RIMS2: variants seen among roughly 807,000 people sequenced by gnomAD.
RIMS2 encodes regulating synaptic membrane exocytosis 2, also known as regulating synaptic membrane exocytosis protein 2.
In RIMS2, 59 loss-of-function variants were observed where a neutral mutation model predicts 174.4. The observed-to-expected ratio is 0.34, with a 90% CI of 0.27 to 0.42. The LOEUF is 0.42. Among genes scored for constraint, RIMS2 ranks in the 10% least tolerant of loss-of-function variants. The pLI is 1.00. For synonymous variants in RIMS2, 606 were observed against 572.5 expected (o/e 1.06, Z -0.84); for missense variants, 1,620 against 1,666.3 (o/e 0.97, Z 0.48).
At chr8:103,602,428 A>AT (rs1399886203) in intron 1 of RIMS2, among the ~76,000 whole-genome samples, 2 of 151,986 alleles carry the variant, frequency 1.3e-5, no homozygotes, top group East Asian at 1.9e-4. Context: ...CTTAATAGGT[A>AT]TTTTTTTTCC....
intron 12 of RIMS2, among the ~76,000 whole-genome samples, chr8:103,934,134 G>T (rs537624846): frequency 1.3e-5 from 2 of 151,982 alleles, no homozygotes; most frequent in African/African-American, 4.8e-5. Context: ...TCAAGTGTTT[G>T]CATGCTGTTA....
chr8:103,606,281 G>T (rs1200360362), intron 1 of RIMS2, among the ~76,000 whole-genome samples: 1 of 149,890 alleles, frequency 6.7e-6, no homozygotes, highest in Non-Finnish European at 1.5e-5. Context: ...TCAGGAGCAG[G>T]TTGTTCAGTT....
intron 1 of RIMS2, among the ~76,000 whole-genome samples, chr8:103,681,577 A>T (rs1384695291): frequency 2.6e-5 from 4 of 152,078 alleles, no homozygotes; most frequent in Admixed American, 2.6e-4. Context: ...CATTCTAGAC[A>T]GGCAAGAGCA....
At chr8:104,009,988 A>AGATG (rs923960591) in intron 17 of RIMS2, among the ~76,000 whole-genome samples, 17 of 64,504 alleles carry the variant, frequency 2.6e-4, no homozygotes, top group African/African-American at 5.4e-4. Context: ...ATGGATGGAT[A>AGATG]GATGGATGGA....
At chr8:104,222,733 T>G (rs1255623009) in intron 19 of RIMS2, among the ~76,000 whole-genome samples, 1 of 152,236 alleles carries the variant, frequency 6.6e-6, no homozygotes, top group Non-Finnish European at 1.5e-5. Flanking sequence ...ATGTTATACC[T>G]TTTGCTTAGA....
At chr8:103,592,132 A>C (rs2094292555) in intron 1 of RIMS2, among the ~76,000 whole-genome samples, 1 of 151,194 alleles carries the variant, frequency 6.6e-6, no homozygotes, top group South Asian at 2.1e-4. Context: ...TAAAACTTAA[A>C]GGAGAATATT....
intron 3 of RIMS2, among the ~76,000 whole-genome samples, chr8:103,850,103 G>C (rs1409455841): frequency 6.6e-6 from 1 of 151,788 alleles, no homozygotes; most frequent in Non-Finnish European, 1.5e-5. Flanking sequence ...TATTTAACAA[G>C]GTATTAACAT....
chr8:103,601,491 C>T (rs13253457), intron 1 of RIMS2, among the ~76,000 whole-genome samples: 1 of 102,094 alleles, frequency 9.8e-6, no homozygotes, highest in Non-Finnish European at 2.1e-5. Flanking sequence ...GTGACTTCTC[C>T]TCTTTTTTGG....
intron 1 of RIMS2, among the ~76,000 whole-genome samples, chr8:103,552,764 C>T: frequency 6.6e-6 from 1 of 152,112 alleles, no homozygotes; most frequent in East Asian, 1.9e-4. Context: ...AATCAAACAA[C>T]CCCATCAAAA....
intron 1 of RIMS2, among the ~76,000 whole-genome samples, chr8:103,588,588 A>T (rs937272660): frequency 2.6e-5 from 4 of 151,862 alleles, no homozygotes; most frequent in African/African-American, 9.7e-5. Context: ...ACAATAGAGA[A>T]CCCAGAAAGA....
intron 19 of RIMS2, among the ~76,000 whole-genome samples, chr8:104,097,579 C>T (rs2097783933): frequency 6.6e-6 from 1 of 151,226 alleles, no homozygotes; most frequent in South Asian, 2.1e-4. Flanking sequence ...AGTAGCATCA[C>T]CAGAACACCT....
chr8:104,001,945 T>A (rs1008185642), intron 17 of RIMS2, among the ~76,000 whole-genome samples: 2 of 152,040 alleles, frequency 1.3e-5, no homozygotes, highest in African/African-American at 2.4e-5. Flanking sequence ...CTGGCTGTAG[T>A]CTTCCTAAAC....
At chr8:103,825,024 A>T (rs1022963952) in intron 3 of RIMS2, among the ~76,000 whole-genome samples, 1 of 152,064 alleles carries the variant, frequency 6.6e-6, no homozygotes, top group African/African-American at 2.4e-5. Context: ...GCTATGTGTT[A>T]CTGGTAAAGT....
At chr8:104,173,744 T>C (rs1416775909) in intron 19 of RIMS2, among the ~76,000 whole-genome samples, 2 of 146,496 alleles carry the variant, frequency 1.4e-5, no homozygotes, top group African/African-American at 5.0e-5. Flanking sequence ...TTCTCCTGCT[T>C]CAGCCTCCCG....
intron 1 of RIMS2, among the ~76,000 whole-genome samples, chr8:103,623,292 G>A (rs564225217): frequency 6.6e-6 from 1 of 152,198 alleles, no homozygotes; most frequent in Non-Finnish European, 1.5e-5. Context: ...TAGACTGGTA[G>A]TTCAGATTAA....
At chr8:104,248,764 T>G (rs369558186) in exon 21 of RIMS2, 7 of 1,613,492 alleles carry the variant, frequency 4.3e-6, no homozygotes, top group East Asian at 4.5e-5. Flanking sequence ...TGGATGGCCT[T>G]GGCCCTGCTC....
chr8:104,099,630 G>C (rs1192854398), intron 19 of RIMS2, among the ~76,000 whole-genome samples: 1 of 152,024 alleles, frequency 6.6e-6, no homozygotes, highest in Non-Finnish European at 1.5e-5. Context: ...TTTCAGTTCA[G>C]CTTGTCAATT....
At chr8:103,988,595 G>T (rs529276737) in intron 16 of RIMS2, among the ~76,000 whole-genome samples, 2 of 152,258 alleles carry the variant, frequency 1.3e-5, no homozygotes, top group Admixed American at 1.3e-4. Context: ...GAGTAGCTGG[G>T]ATTGCAGGCA....
intron 19 of RIMS2, among the ~76,000 whole-genome samples, chr8:104,159,174 T>C (rs936254509): frequency 2.0e-5 from 3 of 152,204 alleles, no homozygotes; most frequent in Non-Finnish European, 4.4e-5. Context: ...ATTGCTTGTT[T>C]TTGTCAGGTT....
Sources: allele counts gnomAD v4.1 joint callset (sites outside exome capture counted in the v4.1 genomes callset), GRCh38; gene constraint gnomAD v4.1.1; transcripts MANE v1.5; gene names NCBI Gene and HGNC (gene_info 2026-07-23, HGNC 2026-07-21).